The following CADM2 variants were observed in gnomAD, a reference collection of about 807,000 sequenced individuals.
CADM2 encodes the protein cell adhesion molecule 2.
In CADM2, 12 loss-of-function variants were observed where a neutral mutation model predicts 49.8. That is an observed-to-expected ratio of 0.24 (90% CI 0.15 to 0.39). The LOEUF (loss-of-function observed/expected upper bound fraction) is 0.39, where lower values mean the gene tolerates loss of function less well. Ranked by LOEUF, CADM2 falls within the 10% of genes least tolerant of loss-of-function variation. The pLI, the probability that CADM2 is intolerant of heterozygous loss-of-function variation, is 1.00. For synonymous variants in CADM2, 214 were observed against 175.4 expected (o/e 1.22, Z -1.74); for missense variants, 378 against 492.3 (o/e 0.77, Z 2.20).
intron 1 of CADM2, among the ~76,000 whole-genome samples, chr3:84,999,142 G>A (rs2033326480): frequency 6.6e-6 from 1 of 152,072 alleles, no homozygotes; most frequent in Non-Finnish European, 1.5e-5. Flanking sequence ...CTTTTGGAGA[G>A]GTTTATGTAT....
intron 1 of CADM2, among the ~76,000 whole-genome samples, chr3:85,357,181 CT>C (rs2031938289): frequency 6.6e-6 from 1 of 152,088 alleles, no homozygotes; most frequent in Non-Finnish European, 1.5e-5. Flanking sequence ...ATTGGCTTAA[CT>C]TTGGAAATGG....
chr3:85,092,797 C>T (rs984588690), intron 1 of CADM2, among the ~76,000 whole-genome samples: 2 of 152,066 alleles, frequency 1.3e-5, no homozygotes, highest in African/African-American at 4.8e-5. Context: ...TTCTTTAAGC[C>T]ATTCTATGGT....
At chr3:85,381,826 G>T (rs1342942978) in intron 1 of CADM2, among the ~76,000 whole-genome samples, 6 of 151,874 alleles carry the variant, frequency 4.0e-5, no homozygotes, top group African/African-American at 4.8e-5. Flanking sequence ...TCTACCTTTG[G>T]CCTTGTGTTT....
chr3:85,117,727 C>T (rs1205676070), intron 1 of CADM2, among the ~76,000 whole-genome samples: 6 of 152,132 alleles, frequency 3.9e-5, no homozygotes, highest in Non-Finnish European at 7.4e-5. Context: ...CAGTAGTTCA[C>T]TTACACATGT....
chr3:85,994,955 T>A (rs995317614), intron 8 of CADM2, among the ~76,000 whole-genome samples: 4 of 141,520 alleles, frequency 2.8e-5, no homozygotes, highest in African/African-American at 1.1e-4. Flanking sequence ...CACATGCTGT[T>A]GGAAAAATGG....
intron 1 of CADM2, among the ~76,000 whole-genome samples, chr3:85,686,946 C>A (rs532596797): frequency 6.6e-6 from 1 of 152,232 alleles, no homozygotes; most frequent in African/African-American, 2.4e-5. Context: ...CCCTAAAATG[C>A]GTAAAACCAA....
chr3:85,276,857 G>A (rs74960487), intron 1 of CADM2, among the ~76,000 whole-genome samples: 1 of 151,208 alleles, frequency 6.6e-6, no homozygotes, highest in African/African-American at 2.4e-5. Flanking sequence ...ATGAACAGGG[G>A]AATAATGGGG....
intron 1 of CADM2, among the ~76,000 whole-genome samples, chr3:85,044,832 G>T (rs1298898748): frequency 1.4e-5 from 2 of 140,142 alleles, no homozygotes; most frequent in African/African-American, 2.7e-5. Flanking sequence ...ACTCTCAACT[G>T]ATAGAGAGCC....
intron 2 of CADM2, among the ~76,000 whole-genome samples, chr3:85,740,782 C>A (rs569922653): frequency 6.6e-6 from 1 of 152,282 alleles, no homozygotes; most frequent in Non-Finnish European, 1.5e-5. Flanking sequence ...CCTTGATGTA[C>A]TTGGAGCCAA....
At chr3:85,199,368 T>TGAGAGAGAGAGAGAGAGAGAGAG (rs1553694522) in intron 1 of CADM2, among the ~76,000 whole-genome samples, 3 of 115,186 alleles carry the variant, frequency 2.6e-5, no homozygotes, top group African/African-American at 1.6e-4. Flanking sequence ...TGTGTGTGTG[T>TGAGAGAGAGAGAGAGAGAGAGAG]ATGAGAGAGA....
chr3:85,829,887 A>T (rs2108225386), intron 3 of CADM2, among the ~76,000 whole-genome samples: 1 of 152,082 alleles, frequency 6.6e-6, no homozygotes, highest in African/African-American at 2.4e-5. Flanking sequence ...TATATATACC[A>T]CATTTTCTTT....
At chr3:85,329,234 C>G (rs2107141802) in intron 1 of CADM2, among the ~76,000 whole-genome samples, 1 of 152,098 alleles carries the variant, frequency 6.6e-6, no homozygotes, top group African/African-American at 2.4e-5. Context: ...TTGGAAGCAG[C>G]CCTAAAAAAC....
At chr3:84,971,568 A>C (rs1460298355) in intron 1 of CADM2, among the ~76,000 whole-genome samples, 1 of 149,932 alleles carries the variant, frequency 6.7e-6, no homozygotes, top group East Asian at 1.9e-4. Context: ...AGAACTGCAT[A>C]GTATTATAGA....
intron 1 of CADM2, among the ~76,000 whole-genome samples, chr3:85,286,427 T>C (rs2043634891): frequency 6.6e-6 from 1 of 152,160 alleles, no homozygotes; most frequent in South Asian, 2.1e-4. Flanking sequence ...ATATACAGGA[T>C]TGCCAGGACT....
chr3:85,799,808 G>T (rs1477002264), intron 2 of CADM2, among the ~76,000 whole-genome samples: 3 of 152,212 alleles, frequency 2.0e-5, no homozygotes, highest in African/African-American at 7.2e-5. Context: ...TCTCCTGTAT[G>T]AGGTGTCTGT....
intron 1 of CADM2, among the ~76,000 whole-genome samples, chr3:85,070,399 C>G (rs984884025): frequency 8.5e-5 from 13 of 152,224 alleles, no homozygotes; most frequent in African/African-American, 2.6e-4. Context: ...TATAGAAAGA[C>G]TAGATTCCTC....
chr3:85,184,025 T>A (rs111656981), intron 1 of CADM2, among the ~76,000 whole-genome samples: 1 of 152,104 alleles, frequency 6.6e-6, no homozygotes. Flanking sequence ...GGTGTTTGAA[T>A]GACAAGATGT....
intron 1 of CADM2, among the ~76,000 whole-genome samples, chr3:85,183,413 C>T (rs896041537): frequency 6.6e-6 from 1 of 152,030 alleles, no homozygotes; most frequent in African/African-American, 2.4e-5. Flanking sequence ...AAATTTAACA[C>T]ATTTATTTAA....
chr3:85,847,174 A>G (rs920385864), intron 3 of CADM2, among the ~76,000 whole-genome samples: 1 of 152,216 alleles, frequency 6.6e-6, no homozygotes, highest in African/African-American at 2.4e-5. Flanking sequence ...GTACTAATTC[A>G]TACACCTTAT....
Sources: allele counts gnomAD v4.1 joint callset (sites outside exome capture counted in the v4.1 genomes callset), GRCh38; gene constraint gnomAD v4.1.1; transcripts MANE v1.5; gene names NCBI Gene and HGNC (gene_info 2026-07-23, HGNC 2026-07-21).